Variants in EDAR observed in about 807,000 individuals in gnomAD.
The protein encoded by EDAR is ectodysplasin A receptor.
EDAR carries 38 observed loss-of-function variants against 51.3 expected under a neutral mutation model. The ratio of observed to expected loss-of-function variants is 0.74; its 90% CI spans 0.57 to 0.97. EDAR has a LOEUF of 0.97. EDAR is among the 50% of genes least tolerant of loss of function. The pLI is 0.00. For synonymous variants in EDAR, 227 were observed against 242.1 expected, an observed-to-expected ratio of 0.94 and a Z score of 0.58; for missense variants, 528 against 595.0, an observed-to-expected ratio of 0.89 and a Z score of 1.17.
intron 1 of EDAR, among the ~76,000 whole-genome samples, chr2:108,950,355 A>C (rs949900299): frequency 6.6e-6 from 1 of 151,406 alleles, no homozygotes; most frequent in Non-Finnish European, 1.5e-5. Flanking sequence ...GGCTCGAATG[A>C]TCCTCCCGCC....
intron 2 of EDAR, 108 bp downstream of exon 2, chr2:108,930,856 G>T: frequency 8.2e-7 from 1 of 1,223,458 alleles, no homozygotes; most frequent in Non-Finnish European, 1.2e-6. Context: ...ACCCTGTGGA[G>T]GAGGGACTAT....
chr2:108,987,765 C>T (rs142962256), intron 1 of EDAR, among the ~76,000 whole-genome samples: 2 of 152,324 alleles, frequency 1.3e-5, no homozygotes, highest in African/African-American at 4.8e-5. Flanking sequence ...GTGAAGGGTA[C>T]ACGTGGACTG....
intron 1 of EDAR, among the ~76,000 whole-genome samples, chr2:108,938,482 T>C (rs1697520581): frequency 6.6e-6 from 1 of 152,206 alleles, no homozygotes; most frequent in South Asian, 2.1e-4. Flanking sequence ...TCTTGGAGGA[T>C]TGCTCACGAA....
At position 108,979,467 on chromosome 2, in the gene EDAR, TCA is replaced by T. The variant is rs5833308; in HGVS notation, c.-19+9491_-19+9492del. ...CTCTCTGTCTCTGTCTCTCTCTCTC[TCA>T]CACACACACACACACACACACACAC... On this transcript the variant is annotated intron_variant, in intron 1 of 11. Transcript: ENST00000258443. 4.6e-3 allele frequency among the ~76,000 whole-genome samples: 676 copies of T among 147,190 alleles called. 3 individuals carry two copies. Among genetic ancestry groups the T allele is most frequent in the East Asian group, 0.015 (75 of 4,882 alleles).
intron 1 of EDAR, among the ~76,000 whole-genome samples, chr2:108,942,543 C>T (rs1697624358): frequency 6.6e-6 from 1 of 152,252 alleles, no homozygotes; most frequent in Non-Finnish European, 1.5e-5. Context: ...GGCCAGCGTC[C>T]CCGTCTCCCT....
At chr2:108,964,078 A>T (rs1021793430) in intron 1 of EDAR, among the ~76,000 whole-genome samples, 6 of 152,214 alleles carry the variant, frequency 3.9e-5, no homozygotes, top group African/African-American at 1.4e-4. Context: ...TCTCATGTTA[A>T]TGAATTCTAC....
At chr2:108,934,327 C>G (rs1275497451) in intron 1 of EDAR, among the ~76,000 whole-genome samples, 1 of 152,112 alleles carries the variant, frequency 6.6e-6, no homozygotes, top group East Asian at 1.9e-4. Context: ...CCACTGGGCG[C>G]TGGGGGGCTG....
intron 1 of EDAR, among the ~76,000 whole-genome samples, chr2:108,962,409 C>T (rs994252158): frequency 2.0e-5 from 3 of 152,136 alleles, no homozygotes; most frequent in East Asian, 1.9e-4. Context: ...CGCGGTGGCT[C>T]ACGCCTGTAA....
intron 1 of EDAR, among the ~76,000 whole-genome samples, chr2:108,948,632 T>A (rs1697761758): frequency 6.7e-6 from 1 of 149,442 alleles, no homozygotes; most frequent in Non-Finnish European, 1.5e-5. Context: ...AGAGAGAGAG[T>A]GAAGTGGGGA....
intron 1 of EDAR, among the ~76,000 whole-genome samples, chr2:108,971,527 G>A (rs1309452539): frequency 6.6e-6 from 1 of 152,120 alleles, no homozygotes; most frequent in African/African-American, 2.4e-5. Flanking sequence ...AACTCCCCAG[G>A]CATTCTAGCA....
chr2:108,913,967 AT>A (rs1408616450), intron 5 of EDAR, among the ~76,000 whole-genome samples: 4 of 148,740 alleles, frequency 2.7e-5, no homozygotes, highest in East Asian at 4.0e-4. Flanking sequence ...AAAAAAAAAA[AT>A]CTAGAAAAGG....
chr2:108,937,050 AG>A (rs962520942), intron 1 of EDAR, among the ~76,000 whole-genome samples: 1 of 152,260 alleles, frequency 6.6e-6, no homozygotes, highest in Non-Finnish European at 1.5e-5. Context: ...CGCAGAGCAC[AG>A]GCCAAACGTC....
chr2:108,899,205 G>T (rs745949207), intron 11 of EDAR, among the ~76,000 whole-genome samples: 1 of 152,298 alleles, frequency 6.6e-6, no homozygotes, highest in African/African-American at 2.4e-5. Context: ...AGAGGGAAAA[G>T]AATTAGAATG....
chr2:108,983,046 C>T (rs908369520), intron 1 of EDAR, among the ~76,000 whole-genome samples: 49 of 152,184 alleles, frequency 3.2e-4, no homozygotes, highest in African/African-American at 1.2e-3. Context: ...CAACAGAAAA[C>T]CACACTCTGC....
intron 1 of EDAR, among the ~76,000 whole-genome samples, chr2:108,985,155 A>C (rs1698476202): frequency 6.6e-6 from 1 of 152,142 alleles, no homozygotes; most frequent in African/African-American, 2.4e-5. Context: ...ATCTTATTTC[A>C]GTATTTGGGC....
At chr2:108,908,132 A>T in intron 9 of EDAR, 113 bp from the exon 10 acceptor site, 1 of 1,265,292 alleles carries the variant, frequency 7.9e-7, no homozygotes, top group South Asian at 1.6e-5. Flanking sequence ...GGGGGCAATG[A>T]CTTGTTTTTC....
intron 1 of EDAR, among the ~76,000 whole-genome samples, chr2:108,946,626 A>G (rs1003410984): frequency 2.0e-5 from 3 of 152,240 alleles, no homozygotes; most frequent in African/African-American, 7.2e-5. Flanking sequence ...ACTTACAGTC[A>G]TAGCAGAAGG....
intron 1 of EDAR, among the ~76,000 whole-genome samples, chr2:108,964,949 A>G (rs1393647140): frequency 2.0e-5 from 3 of 152,226 alleles, no homozygotes; most frequent in Non-Finnish European, 4.4e-5. Flanking sequence ...TATAAAGTTC[A>G]GCTTAACATT....
At chr2:108,920,253 A>G (rs559447683) in intron 5 of EDAR, among the ~76,000 whole-genome samples, 2 of 152,176 alleles carry the variant, frequency 1.3e-5, no homozygotes, top group African/African-American at 4.8e-5. Flanking sequence ...ACGTCATCAC[A>G]TCTTTCCTCC....
Sources: gnomAD v4.1 joint callset for allele counts (sites outside exome capture counted in the v4.1 genomes callset) on GRCh38, gnomAD v4.1.1 for gene constraint, MANE v1.5 for transcripts, NCBI Gene and HGNC (gene_info 2026-07-23, HGNC 2026-07-21) for gene names.